FER1L6: variants seen among roughly 807,000 people sequenced by gnomAD.
FER1L6 encodes fer-1-like protein 6.
FER1L6 carries 177 observed loss-of-function variants against 219.2 expected under a neutral mutation model. The observed-to-expected ratio is 0.81, with a 90% CI of 0.71 to 0.91. The LOEUF (loss-of-function observed/expected upper bound fraction) is 0.91, where lower values mean the gene tolerates loss of function less well. Among genes scored for constraint, FER1L6 ranks in the 40% least tolerant of loss-of-function variants. FER1L6 has a pLI of 0.00. For missense variants in FER1L6, 2,153 were observed against 2,259.9 expected, an observed-to-expected ratio of 0.95 and a Z score of 0.96; for synonymous variants, 768 against 824.3, an observed-to-expected ratio of 0.93 and a Z score of 1.17.
At chr8:123,894,095 T>C (rs1812700932) in intron 1 of FER1L6, among the ~76,000 whole-genome samples, 1 of 152,032 alleles carries the variant, frequency 6.6e-6, no homozygotes, top group Non-Finnish European at 1.5e-5. Context: ...CTGATAAACA[T>C]AGAAACTGAC....
At chr8:123,999,306 C>T (rs898123353) in intron 12 of FER1L6, among the ~76,000 whole-genome samples, 2 of 152,180 alleles carry the variant, frequency 1.3e-5, no homozygotes, top group Admixed American at 6.5e-5. Flanking sequence ...CTGGGTTCTT[C>T]CTTTCAAGGC....
Position 123,963,393 on chromosome 8 carries a change from G to C in FER1L6, c.192G>C (p.Lys64Asn), listed in dbSNP as rs1051071506. Residue 64 changes from lysine to asparagine, a missense_variant, in exon 3 of 41, where the codon AAG (lysine) becomes AAC (asparagine). Physicochemically the swap from Lys to Asn is moderately conservative, Grantham distance 94. Transcript: ENST00000522917. ...TTCCTGTCCCCTCAGCTTCTCCAAAGAGAAGGTACAGTATGGATGCAGGTG... is the reference window on the plus strand; with the variant it reads ...TTCCTGTCCCCTCAGCTTCTCCAAACAGAAGGTACAGTATGGATGCAGGTG... ...SIFPVPSASP[K>N]RRSKLLTKIH... 3 of 1,614,044 alleles carry C rather than the reference G, an allele frequency of 1.9e-6. No individual in the cohort carries two copies. Among genetic ancestry groups the C allele is most frequent in the Non-Finnish European group, 2.5e-6 (3 of 1,179,910 alleles).
intron 28 of FER1L6, 88 bp from the exon 29 acceptor site, chr8:124,069,272 A>G (rs1820962558): frequency 1.0e-6 from 1 of 978,728 alleles, no homozygotes. Flanking sequence ...AACATAGGAC[A>G]TGTCAGCAAA....
intron 32 of FER1L6, among the ~76,000 whole-genome samples, chr8:124,078,943 T>G (rs556441410): frequency 6.6e-6 from 1 of 152,304 alleles, no homozygotes; most frequent in East Asian, 1.9e-4. Flanking sequence ...AGTATGATGT[T>G]CTGGGATGCT....
chr8:123,853,574 T>C lies in FER1L6; in HGVS notation c.-8+1389T>C, dbSNP rs761143512. Among the ~76,000 whole-genome samples, 5 of 152,226 alleles carry C rather than the reference T, an allele frequency of 3.3e-5. No individual in the cohort carries two copies. The highest frequency in any genetic ancestry group is 7.3e-5 in the Non-Finnish European group (5 of 68,028). On this transcript the variant is annotated intron_variant, in intron 1 of 40. Transcript: ENST00000522917. The surrounding 1 kb of genome is among the most constrained non-coding windows in gnomAD (Gnocchi z 6.6). ...AATTGTTACTTTTTTCCTGGGGTAT[T>C]GTATTAATCAGGGGAGATTTTACAA...
chr8:124,072,762 G>A (rs1344193450), intron 31 of FER1L6, among the ~76,000 whole-genome samples: 1 of 152,188 alleles, frequency 6.6e-6, no homozygotes, highest in Non-Finnish European at 1.5e-5. Flanking sequence ...AGAACTTAGA[G>A]TCACTGACAA....
intron 12 of FER1L6, among the ~76,000 whole-genome samples, chr8:124,000,946 A>G (rs1231369214): frequency 6.6e-6 from 1 of 152,148 alleles, no homozygotes; most frequent in Non-Finnish European, 1.5e-5. Context: ...TAGCTCTAAG[A>G]AGAGAGGTTT....
intron 1 of FER1L6, among the ~76,000 whole-genome samples, chr8:123,938,983 G>T (rs772967951): frequency 9.5e-4 from 145 of 152,336 alleles, no homozygotes; most frequent in Non-Finnish European, 4.1e-4. Flanking sequence ...TTCGAGGGTT[G>T]CCTGGGTCAC....
intron 31 of FER1L6, among the ~76,000 whole-genome samples, chr8:124,073,063 T>C (rs75009186): frequency 5.9e-5 from 9 of 152,040 alleles, no homozygotes; most frequent in Non-Finnish European, 8.8e-5. Context: ...ATACCTTTTT[T>C]CCCCTGCAGA....
At position 124,119,827 on chromosome 8, in the gene FER1L6, A is replaced by G; in HGVS notation, c.*37A>G. On this transcript the variant is annotated 3_prime_UTR_variant, in exon 41 of 41. Transcript: ENST00000522917. ...GGACCCAGATCCTCGCCATATACTA[A>G]TCCTCTCTTCCTTATCTGGGAGCAT... 1 of 1,600,484 alleles carries G rather than the reference A, an allele frequency of 6.2e-7. No homozygotes were observed. The highest frequency in any genetic ancestry group is 1.3e-5 in the African/African-American group (1 of 74,632).
chr8:124,063,293 T>C (rs908294191), intron 25 of FER1L6, among the ~76,000 whole-genome samples: 1 of 152,224 alleles, frequency 6.6e-6, no homozygotes, highest in African/African-American at 2.4e-5. Flanking sequence ...AAATCCTTAA[T>C]TGAGATATAC....
At chr8:123,973,360 C>G in intron 6 of FER1L6, 74 bp from the exon 7 acceptor site, 1 of 1,242,526 alleles carries the variant, frequency 8.0e-7, no homozygotes, top group Non-Finnish European at 1.2e-6. Flanking sequence ...CAGACAGGGT[C>G]AAAGCTAGAC....
Position 123,990,404 on chromosome 8 carries a change from TA to T in FER1L6, c.1519+4230del, listed in dbSNP as rs1227707446. The stretch of plus-strand genomic sequence containing the variant: ...CAACATCTATTGTTTTTTGACTTTT[TA>T]ATAATGGCCCTTCTGGCTGGGGTAG... On this transcript the variant is annotated intron_variant, in intron 12 of 40. Transcript: ENST00000522917. Among the ~76,000 whole-genome samples the T allele has an allele frequency of 2.6e-5, 4 of 152,274 alleles. No homozygotes were observed. The East Asian group carries it at 5.8e-4, about 22-fold the overall frequency.
chr8:123,964,501 T>A (rs374724925), intron 3 of FER1L6, among the ~76,000 whole-genome samples: 60 of 152,262 alleles, frequency 3.9e-4, no homozygotes, highest in African/African-American at 1.4e-3. Flanking sequence ...AAAGAAGACA[T>A]GAAATGTGTA....
rs544210765 is a variant in FER1L6 at position 123,963,764 on chromosome 8, G to A, written c.197+366G>A. On this transcript the variant is annotated intron_variant, in intron 3 of 40. Coordinates refer to ENST00000522917, the MANE Select transcript of FER1L6 (RefSeq NM_001039112.2). ...TCTTGTCTGTCTCAAATCAGAAGGT[G>A]GTTCTTATGCTACCCAACAAAAAGT... 4.6e-5 allele frequency among the ~76,000 whole-genome samples: 7 copies of A among 152,296 alleles called. No individual in the cohort carries two copies. The South Asian group carries it at 1.2e-3, about 27-fold the overall frequency.
chr8:124,027,174 T>A (rs1818744632), intron 18 of FER1L6, among the ~76,000 whole-genome samples: 1 of 152,222 alleles, frequency 6.6e-6, no homozygotes, highest in African/African-American at 2.4e-5. Context: ...GCATTGACCC[T>A]ATTTCCAAAT....
At chr8:123,864,811 AGCCTT>A (rs1376445751) in intron 1 of FER1L6, among the ~76,000 whole-genome samples, 7 of 150,388 alleles carry the variant, frequency 4.7e-5, no homozygotes. Context: ...GTAGTTCTCA[AGCCTT>A]GGTTTTCAGC....
intron 3 of FER1L6, among the ~76,000 whole-genome samples, chr8:123,965,575 A>G (rs1430045575): frequency 6.6e-6 from 1 of 152,220 alleles, no homozygotes; most frequent in Non-Finnish European, 1.5e-5. Flanking sequence ...GATTATATCT[A>G]TTAGACATGG....
chr8:123,878,603 GA>G lies in FER1L6; in HGVS notation c.-8+26419del, dbSNP rs1817052929. ...TGTGCAGCACTAGCTGTGTGACCTTGAGTAAGTTTCCTTACCCATGAGCCTT... is the reference window on the plus strand; with the variant it reads ...TGTGCAGCACTAGCTGTGTGACCTTGGTAAGTTTCCTTACCCATGAGCCTT... On this transcript the variant is annotated intron_variant, in intron 1 of 40. Coordinates refer to ENST00000522917, the MANE Select transcript of FER1L6 (RefSeq NM_001039112.2). 2.0e-5 allele frequency among the ~76,000 whole-genome samples: 3 copies of G among 152,320 alleles called. No homozygotes were observed. In the South Asian group the frequency reaches 6.2e-4, roughly 32 times the overall value.
Sources: allele counts gnomAD v4.1 joint callset (sites outside exome capture counted in the v4.1 genomes callset), GRCh38; gene constraint gnomAD v4.1.1; non-coding constraint Gnocchi (gnomAD v3.1); transcripts MANE v1.5; gene names NCBI Gene and HGNC (gene_info 2026-07-23, HGNC 2026-07-21).